MIAT: variants seen among roughly 807,000 people sequenced by gnomAD.
MIAT encodes the protein myocardial infarction associated transcript, also known as MI related novel mRNA.
At chr22:26,674,029 T>C (rs1602376644), downstream of MIAT, 21 of 398,690 alleles carry the variant, frequency 5.3e-5, no homozygotes, top group East Asian at 7.5e-4. Context: ...CTACAGAGCA[T>C]ATGCCATTTT....
downstream of MIAT, chr22:26,671,017 C>T: frequency 2.5e-6 from 1 of 398,178 alleles, no homozygotes; most frequent in Non-Finnish European, 4.4e-6. Context: ...AACTAGAGGC[C>T]TGACAGTCGG....
exon 6 of MIAT, chr22:26,668,963 G>GT (rs1234888448): frequency 5.0e-6 from 2 of 398,374 alleles, no homozygotes; most frequent in Non-Finnish European, 8.8e-6. Flanking sequence ...GTGGCCCTGG[G>GT]TTTTTTTTCC....
At chr22:26,647,136 C>A (rs565182101) in intron 1 of MIAT, 5 of 398,410 alleles carry the variant, frequency 1.3e-5, no homozygotes, top group Non-Finnish European at 2.2e-5. Flanking sequence ...CTCAGGCAAG[C>A]CACCTTTCTT....
At chr22:26,671,092 G>A, downstream of MIAT, 1 of 398,622 alleles carries the variant, frequency 2.5e-6, no homozygotes, top group Non-Finnish European at 4.4e-6. Flanking sequence ...GGGTGTGCGT[G>A]TGTCTGTCAG....
chr22:26,672,682 GA>G (rs893147551), downstream of MIAT: 3 of 398,962 alleles, frequency 7.5e-6, no homozygotes, highest in African/African-American at 6.2e-5. Context: ...ATCCCACGAG[GA>G]AGGCAGGAGG....
At chr22:26,658,999 C>T (rs1317987018) in intron 2 of MIAT, among the ~76,000 whole-genome samples, 1 of 152,212 alleles carries the variant, frequency 6.6e-6, no homozygotes, top group African/African-American at 2.4e-5. Flanking sequence ...AGTAATTCCA[C>T]TTGACAGACA....
At chr22:26,674,849 A>G (rs1284478753) in exon 5 of MIAT, 7 of 398,516 alleles carry the variant, frequency 1.8e-5, no homozygotes, top group South Asian at 2.5e-4. Context: ...AGGATCTACT[A>G]TGTGCCAGGC....
intron 2 of MIAT, among the ~76,000 whole-genome samples, chr22:26,661,917 CAT>C (rs58654108): frequency 0.026 from 2,075 of 79,852 alleles, 21 homozygotes; most frequent in Admixed American, 0.044. Flanking sequence ...TATATAGATC[CAT>C]ATATATATAT....
At chr22:26,671,261 G>T (rs1894720), downstream of MIAT, 169,303 of 398,356 alleles carry the variant, frequency 0.43, 37,676 homozygotes, top group South Asian at 0.49. Flanking sequence ...ATGCTTTTGG[G>T]CAGGGTCCAT....
rs1931243499 is a variant in MIAT at position 26,675,878 on chromosome 22, G to A, written n.9546G>A. 1.5e-5 allele frequency: 6 copies of A among 398,536 alleles called. No individual in the cohort carries two copies. The South Asian group carries it at 7.6e-4, about 51-fold the overall frequency. 24.7% of individuals were successfully genotyped at this position (398,536 alleles called of 1,614,324 possible). The stretch of plus-strand genomic sequence containing the variant: ...TGCCTTGGTGGGTAATGAACCTTTT[G>A]TTCCCAGAGGCAGAAGGATTGGGAC... On this transcript the variant is annotated non_coding_transcript_exon_variant, in exon 5 of 5. Transcript: ENST00000613780.
exon 6 of MIAT, chr22:26,668,286 C>A: frequency 2.5e-6 from 1 of 398,654 alleles, no homozygotes; most frequent in Non-Finnish European, 4.4e-6. Context: ...CGCTGGGTGA[C>A]TCCCTGAAGA....
intron 2 of MIAT, among the ~76,000 whole-genome samples, chr22:26,662,750 A>G (rs1930718898): frequency 6.6e-6 from 1 of 152,286 alleles, no homozygotes; most frequent in Non-Finnish European, 1.5e-5. Flanking sequence ...ATTTTATTCC[A>G]GAGTCAGGGA....
At chr22:26,647,367 G>T (rs932384122) in intron 2 of MIAT, 5 of 347,202 alleles carry the variant, frequency 1.4e-5, no homozygotes, top group South Asian at 1.5e-4. Flanking sequence ...GCGGGGACGT[G>T]GGGGGTGGAG....
intron 3 of MIAT, chr22:26,665,354 T>A (rs1343171593): frequency 6.5e-5 from 26 of 397,688 alleles, no homozygotes; most frequent in Non-Finnish European, 2.7e-5. Context: ...TTCCTCCAGG[T>A]TTCTCTAGCC....
At chr22:26,668,264 G>A in exon 6 of MIAT, 1 of 398,672 alleles carries the variant, frequency 2.5e-6, no homozygotes, top group Non-Finnish European at 4.4e-6. Flanking sequence ...AGACTCCGGT[G>A]GTTTTCTAGC....
chr22:26,674,199 C>A (rs1260533887), downstream of MIAT: 3 of 398,528 alleles, frequency 7.5e-6, no homozygotes, highest in East Asian at 1.1e-4. Flanking sequence ...TCTGAGCTTC[C>A]TGTTCTAACT....
chr22:26,665,767 A>C (rs1930823782), exon 4 of MIAT: 6 of 398,546 alleles, frequency 1.5e-5, no homozygotes, highest in Non-Finnish European at 4.4e-6. Flanking sequence ...GAAGAAAGAA[A>C]GAGCCTGTCC....
chr22:26,655,034 T>G (rs1228799368), intron 2 of MIAT, among the ~76,000 whole-genome samples: 3 of 152,198 alleles, frequency 2.0e-5, no homozygotes, highest in Non-Finnish European at 4.4e-5. Context: ...AAAAAGGACT[T>G]TTGTGATTAC....
chr22:26,668,845 T>C (rs1044341853), exon 6 of MIAT: 7 of 398,610 alleles, frequency 1.8e-5, no homozygotes, highest in Non-Finnish European at 2.7e-5. Flanking sequence ...CCCTGTGCTG[T>C]TGAACTCTGG....
Sources: gnomAD v4.1 joint callset for allele counts (sites outside exome capture counted in the v4.1 genomes callset) on GRCh38, gnomAD v4.1.1 for gene constraint, MANE v1.5 for transcripts, NCBI Gene and HGNC (gene_info 2026-07-23, HGNC 2026-07-21) for gene names.